DAB1: variants seen among roughly 807,000 people sequenced by gnomAD.
DAB1 encodes the protein DAB adaptor protein 1, also known as disabled homolog 1.
A neutral mutation model predicts 64.6 loss-of-function variants in DAB1; 15 were observed. The ratio of observed to expected loss-of-function variants is 0.23; its 90% CI spans 0.16 to 0.36. The LOEUF is 0.36. Ranked by LOEUF, DAB1 falls within the 10% of genes least tolerant of loss-of-function variation. The pLI is 1.00. For missense variants in DAB1, 596 were observed against 706.7 expected (o/e 0.84, Z 1.78); for synonymous variants, 235 against 251.9 (o/e 0.93, Z 0.64).
intron 7 of DAB1, among the ~76,000 whole-genome samples, chr1:57,505,114 TA>T (rs34664060): frequency 1.6e-4 from 24 of 148,134 alleles, no homozygotes; most frequent in South Asian, 4.3e-4. Context: ...TGGTTTGTTG[TA>T]AAAAAAAAAG....
At chr1:57,167,654 G>T (rs1408961938) in intron 2 of DAB1, among the ~76,000 whole-genome samples, 3 of 152,100 alleles carry the variant, frequency 2.0e-5, no homozygotes, top group Admixed American at 2.0e-4. Context: ...GATTTAATCT[G>T]TCCAGAACTG....
chr1:57,559,363 G>A (rs1003926369), intron 7 of DAB1, among the ~76,000 whole-genome samples: 5 of 152,192 alleles, frequency 3.3e-5, no homozygotes, highest in Non-Finnish European at 7.3e-5. Flanking sequence ...CTTGAATGAA[G>A]GGGAGGCCGG....
intron 4 of DAB1, among the ~76,000 whole-genome samples, chr1:58,229,902 G>C (rs1220335380): frequency 2.6e-5 from 4 of 152,182 alleles, no homozygotes; most frequent in Non-Finnish European, 5.9e-5. Flanking sequence ...ACAAGGGTCA[G>C]TAACTGACTC....
At chr1:57,056,521 GAAA>G (rs983064351) in intron 9 of DAB1, among the ~76,000 whole-genome samples, 1 of 138,430 alleles carries the variant, frequency 7.2e-6, no homozygotes. Flanking sequence ...AAAAAAAAAA[GAAA>G]AAAAAGAAAA....
At chr1:58,069,021 C>T (rs1649055760) in intron 5 of DAB1, among the ~76,000 whole-genome samples, 1 of 152,116 alleles carries the variant, frequency 6.6e-6, no homozygotes, top group African/African-American at 2.4e-5. Context: ...TAGAAGAGCA[C>T]ACAAAGACAT....
chr1:57,772,950 C>T (rs569444859), intron 6 of DAB1, among the ~76,000 whole-genome samples: 2 of 152,134 alleles, frequency 1.3e-5, no homozygotes, highest in African/African-American at 4.8e-5. Flanking sequence ...TAGTTAACTA[C>T]AGGCACACAC....
chr1:57,945,412 A>G, intron 5 of DAB1, among the ~76,000 whole-genome samples: 1 of 148,686 alleles, frequency 6.7e-6, no homozygotes. Flanking sequence ...GGCATATACC[A>G]CCACACTTGC....
At chr1:57,321,755 G>A (rs942680938) in intron 1 of DAB1, among the ~76,000 whole-genome samples, 1 of 152,150 alleles carries the variant, frequency 6.6e-6, no homozygotes, top group Admixed American at 6.5e-5. Context: ...AGATGATAAT[G>A]AATATTGACA....
chr1:57,069,526 G>A (rs538562993), intron 7 of DAB1, 101 bp from the exon 8 acceptor site: 38 of 929,262 alleles, frequency 4.1e-5, no homozygotes, highest in Non-Finnish European at 5.7e-5. Context: ...GAGCATTAAC[G>A]AAGCAGGCAC....
At chr1:57,619,855 G>A (rs1237743356) in intron 7 of DAB1, among the ~76,000 whole-genome samples, 1 of 152,086 alleles carries the variant, frequency 6.6e-6, no homozygotes, top group Non-Finnish European at 1.5e-5. Flanking sequence ...GAGGGGAGGG[G>A]TCAACTGGAT....
At chr1:58,500,987 TG>T (rs1645897961) in intron 3 of DAB1, among the ~76,000 whole-genome samples, 1 of 152,212 alleles carries the variant, frequency 6.6e-6, no homozygotes, top group Non-Finnish European at 1.5e-5. Context: ...ATTTTAAAAC[TG>T]TCATACTATT....
chr1:57,404,408 G>C (rs147060570), intron 1 of DAB1, among the ~76,000 whole-genome samples: 43 of 152,266 alleles, frequency 2.8e-4, no homozygotes, highest in African/African-American at 1.0e-3. Flanking sequence ...TAAAATAGAT[G>C]ATATCTTTAT....
Position 57,576,863 on chromosome 1 carries a change from T to C in DAB1, n.625+72729A>G, listed in dbSNP as rs377557564. On this transcript the variant is annotated intron_variant and non_coding_transcript_variant, in intron 7 of 20. Coordinates refer to the DAB1 transcript ENST00000485760. ...GGGCTTCCTAGCTTCCTATGAGCAA[T>C]ATATGCCCTCGGCCGCTTGCCACAT... 1.8e-4 allele frequency among the ~76,000 whole-genome samples: 28 copies of C among 152,176 alleles called. 1 individual carries two copies. Among genetic ancestry groups the C allele is most frequent in the Admixed American group, 1.4e-3 (22 of 15,272 alleles).
At chr1:57,901,992 C>CA (rs913680181) in intron 5 of DAB1, among the ~76,000 whole-genome samples, 41 of 151,160 alleles carry the variant, frequency 2.7e-4, no homozygotes, top group Middle Eastern at 3.4e-3. Flanking sequence ...CCCATCTCTA[C>CA]AAAAAAAACA....
At chr1:58,421,364 T>C (rs1408917095) in intron 3 of DAB1, among the ~76,000 whole-genome samples, 1 of 152,198 alleles carries the variant, frequency 6.6e-6, no homozygotes, top group Non-Finnish European at 1.5e-5. Flanking sequence ...GTTAAGTAAT[T>C]AGCATTCTGT....
At chr1:57,625,502 G>A (rs545051478) in intron 7 of DAB1, among the ~76,000 whole-genome samples, 1 of 152,248 alleles carries the variant, frequency 6.6e-6, no homozygotes, top group South Asian at 2.1e-4. Context: ...CTAAGAAAGT[G>A]GAAGTATTAC....
intron 6 of DAB1, among the ~76,000 whole-genome samples, chr1:57,765,896 G>T (rs953914175): frequency 6.6e-6 from 1 of 152,114 alleles, no homozygotes; most frequent in Non-Finnish European, 1.5e-5. Context: ...CTCCCAAAGT[G>T]CTGGGATTAC....
At chr1:58,400,549 C>A (rs1459220922) in intron 3 of DAB1, among the ~76,000 whole-genome samples, 2 of 152,134 alleles carry the variant, frequency 1.3e-5, no homozygotes, top group African/African-American at 4.8e-5. Context: ...CAGGCAGATA[C>A]AATAGAATCA....
At chr1:57,850,487 A>G (rs1252210275) in intron 1 of DAB1, among the ~76,000 whole-genome samples, 1 of 151,122 alleles carries the variant, frequency 6.6e-6, no homozygotes, top group Non-Finnish European at 1.5e-5. Flanking sequence ...AAATGAAACC[A>G]TTTATTATAT....
Sources: allele counts gnomAD v4.1 joint callset (sites outside exome capture counted in the v4.1 genomes callset), GRCh38; gene constraint gnomAD v4.1.1; transcripts MANE v1.5; gene names NCBI Gene and HGNC (gene_info 2026-07-23, HGNC 2026-07-21).